Variants in GNA14 observed in about 807,000 individuals in gnomAD.
GNA14 encodes the protein G protein subunit alpha 14, also known as guanine nucleotide-binding protein subunit alpha-14.
In GNA14, 50 loss-of-function variants were observed where a neutral mutation model predicts 42.0. The ratio of observed to expected loss-of-function variants is 1.19; its 90% CI spans 0.95 to 1.51. The LOEUF is 1.51. Ranked by LOEUF, GNA14 falls within the 40% of genes most tolerant of loss-of-function variation. The pLI is 0.00. For missense variants in GNA14, 473 were observed against 446.2 expected, an observed-to-expected ratio of 1.06 and a Z score of -0.54; for synonymous variants, 173 against 163.1, an observed-to-expected ratio of 1.06 and a Z score of -0.46.
At chr9:77,557,149 A>C (rs954869461) in intron 1 of GNA14, among the ~76,000 whole-genome samples, 1 of 152,212 alleles carries the variant, frequency 6.6e-6, no homozygotes, top group African/African-American at 2.4e-5. Flanking sequence ...CCCTGGGCTG[A>C]CACCAAGGAG....
chr9:77,528,364 A>G (rs1837474647), intron 2 of GNA14, among the ~76,000 whole-genome samples: 1 of 152,124 alleles, frequency 6.6e-6, no homozygotes, highest in Non-Finnish European at 1.5e-5. Context: ...TAGTTGCTTA[A>G]TGAACTCAGA....
At chr9:77,439,720 G>C (rs1471634069) in intron 2 of GNA14, among the ~76,000 whole-genome samples, 1 of 152,220 alleles carries the variant, frequency 6.6e-6, no homozygotes, top group Admixed American at 6.5e-5. Context: ...TCATCCACAG[G>C]TGTCTGGGTA....
intron 1 of GNA14, among the ~76,000 whole-genome samples, chr9:77,546,046 T>C (rs1329294650): frequency 6.6e-6 from 1 of 151,618 alleles, no homozygotes; most frequent in Non-Finnish European, 1.5e-5. Flanking sequence ...CGAAACCCCG[T>C]CTCTAACTAA....
chr9:77,625,132 C>A (rs531504123), intron 1 of GNA14, among the ~76,000 whole-genome samples: 59 of 151,542 alleles, frequency 3.9e-4, no homozygotes, highest in African/African-American at 1.4e-3. Context: ...ATAGCGGAAT[C>A]GATCAAGCAG....
chr9:77,561,791 G>C (rs542807943), intron 1 of GNA14, among the ~76,000 whole-genome samples: 1 of 152,310 alleles, frequency 6.6e-6, no homozygotes, highest in East Asian at 1.9e-4. Flanking sequence ...TTGTTAGTTA[G>C]TGCAAAACCT....
intron 1 of GNA14, among the ~76,000 whole-genome samples, chr9:77,585,028 C>T (rs2117869596): frequency 6.6e-6 from 1 of 152,188 alleles, no homozygotes; most frequent in African/African-American, 2.4e-5. Flanking sequence ...GTATCTTGTG[C>T]CAATCTCCTA....
At chr9:77,447,274 T>C (rs1006409362) in intron 2 of GNA14, among the ~76,000 whole-genome samples, 1 of 152,178 alleles carries the variant, frequency 6.6e-6, no homozygotes, top group Non-Finnish European at 1.5e-5. Context: ...AAGCTACTTA[T>C]CTGTTATATA....
intron 2 of GNA14, among the ~76,000 whole-genome samples, chr9:77,462,410 C>T (rs1836123878): frequency 6.6e-6 from 1 of 152,118 alleles, no homozygotes; most frequent in Non-Finnish European, 1.5e-5. Context: ...CTGCATTCTC[C>T]CAACTTTGGT....
intron 2 of GNA14, 88 bp from the exon 3 acceptor site, chr9:77,434,610 T>G: frequency 8.2e-7 from 1 of 1,218,964 alleles, no homozygotes; most frequent in Non-Finnish European, 1.2e-6. Context: ...CCCTGGTCTG[T>G]GGATTTGGAG....
At chr9:77,542,358 G>C (rs527411871) in intron 1 of GNA14, among the ~76,000 whole-genome samples, 70 of 152,210 alleles carry the variant, frequency 4.6e-4, no homozygotes, top group Non-Finnish European at 9.0e-4. Context: ...TTATTAGTAA[G>C]TCTGTGGTGA....
At chr9:77,432,333 C>G (rs1835569898) in intron 3 of GNA14, among the ~76,000 whole-genome samples, 1 of 152,134 alleles carries the variant, frequency 6.6e-6, no homozygotes, top group Non-Finnish European at 1.5e-5. Flanking sequence ...GCTCCAGAAG[C>G]AAAGCTCTGG....
At chr9:77,445,788 C>T (rs1034000847) in intron 2 of GNA14, among the ~76,000 whole-genome samples, 1 of 151,946 alleles carries the variant, frequency 6.6e-6, no homozygotes, top group African/African-American at 2.4e-5. Context: ...TGCCCAGGGG[C>T]CATTAAACGT....
chr9:77,434,580 C>A, intron 2 of GNA14, 58 bp from the exon 3 acceptor site: 1 of 1,465,592 alleles, frequency 6.8e-7, no homozygotes, highest in Non-Finnish European at 9.4e-7. Flanking sequence ...AACCCATTGG[C>A]AATGTCGGTA....
chr9:77,627,135 G>T (rs1407400999), intron 1 of GNA14, among the ~76,000 whole-genome samples: 2 of 152,152 alleles, frequency 1.3e-5, no homozygotes, highest in Non-Finnish European at 2.9e-5. Context: ...AAATCTAGAA[G>T]AAATTCATAA....
chr9:77,431,611 C>T (rs1835556632), intron 3 of GNA14, 162 bp from the exon 4 acceptor site: 2 of 591,086 alleles, frequency 3.4e-6, no homozygotes, highest in Non-Finnish European at 6.0e-6. Context: ...GCTTCTCCAT[C>T]CTTCCTACGA....
rs144254955 is a variant in GNA14 at position 77,600,300 on chromosome 9, G to A, written c.124+47370C>T. Among the ~76,000 whole-genome samples the A allele has an allele frequency of 6.6e-5, 10 of 152,264 alleles. No individual in the cohort carries two copies. In the East Asian group the frequency reaches 9.7e-4, roughly 15 times the overall value. ...TCCCAAACCAGCTATTTTTAAAGAC[G>A]GTCACGTCCCTATTTTGACAATAGA... On this transcript the variant is annotated intron_variant, in intron 1 of 6. Coordinates refer to ENST00000341700, the MANE Select transcript of GNA14 (RefSeq NM_004297.4).
intron 2 of GNA14, among the ~76,000 whole-genome samples, chr9:77,522,259 G>C (rs1004912308): frequency 6.6e-6 from 1 of 152,170 alleles, no homozygotes; most frequent in Non-Finnish European, 1.5e-5. Context: ...AGGCAAGAAG[G>C]CGCCATTGAT....
chr9:77,559,752 C>G lies in GNA14; in HGVS notation c.125-30499G>C, dbSNP rs115169146. ...AAACAACCTGATATATGTGCATTCC[C>G]CTTTCCCAATTTACCTAATGAATAG... On this transcript the variant is annotated intron_variant, in intron 1 of 6. Transcript: ENST00000341700. Among the ~76,000 whole-genome samples the G allele has an allele frequency of 4.4e-3, 671 of 152,288 alleles. 4 individuals are homozygous for G. Among genetic ancestry groups the G allele is most frequent in the African/African-American group, 0.015 (637 of 41,554 alleles).
At chr9:77,512,051 G>T (rs1319201295) in intron 2 of GNA14, among the ~76,000 whole-genome samples, 3 of 152,142 alleles carry the variant, frequency 2.0e-5, no homozygotes, top group African/African-American at 7.2e-5. Flanking sequence ...GGCTCGAGGT[G>T]ACAGAGCCCC....
Sources: gnomAD v4.1 joint callset for allele counts (sites outside exome capture counted in the v4.1 genomes callset) on GRCh38, gnomAD v4.1.1 for gene constraint, MANE v1.5 for transcripts, NCBI Gene and HGNC (gene_info 2026-07-23, HGNC 2026-07-21) for gene names.